The following FRAS1 variants were observed in gnomAD, a reference collection of about 807,000 sequenced individuals.
FRAS1 encodes the protein Fraser extracellular matrix complex subunit 1.
FRAS1 carries 290 observed loss-of-function variants against 435.2 expected under a neutral mutation model. That is an observed-to-expected ratio of 0.67 (90% CI 0.61 to 0.73). FRAS1 has a LOEUF of 0.73. Ranked by LOEUF, FRAS1 falls within the 30% of genes least tolerant of loss-of-function variation. The pLI is 0.00. For missense variants in FRAS1, 4,860 were observed against 5,001.5 expected (o/e 0.97, Z 0.85); for synonymous variants, 1,800 against 1,851.0 (o/e 0.97, Z 0.71).
At chr4:78,306,841 G>A (rs529894724) in intron 14 of FRAS1, among the ~76,000 whole-genome samples, 28 of 152,176 alleles carry the variant, frequency 1.8e-4, no homozygotes, top group East Asian at 9.7e-4. Context: ...TAATTTGATT[G>A]TCTGAAGCCT....
chr4:78,446,791 T>A lies in FRAS1; in HGVS notation c.5921T>A (p.Val1974Glu). 1 of 1,612,736 alleles carries A rather than the reference T, an allele frequency of 6.2e-7. No homozygotes were observed. Among genetic ancestry groups the A allele is most frequent in the Non-Finnish European group, 8.5e-7 (1 of 1,179,612 alleles). The change falls in exon 43 of 74, where the codon GTG becomes GAG. Residue 1974 changes from valine (V) to glutamate (E), a missense_variant. Transcript: ENST00000512123. ...QPLRVQLSSG[V>E]VISNSSLSLQ... ...CTCAGAGTGCAGCTGAGCTCGGGAG[T>A]GGTGATAAGCAATTCTTCTTTGAGC...
intron 38 of FRAS1, among the ~76,000 whole-genome samples, chr4:78,436,307 A>G (rs6842607): frequency 0.021 from 3,176 of 152,308 alleles, 114 homozygotes; most frequent in African/African-American, 0.072. Flanking sequence ...TTAAAACCAT[A>G]TACCATTTTA....
chr4:78,059,508 G>GGA (rs1157059930), intron 1 of FRAS1, among the ~76,000 whole-genome samples: 7 of 131,146 alleles, frequency 5.3e-5, no homozygotes, highest in Admixed American at 1.5e-4. Flanking sequence ...GCGTACTTTG[G>GGA]AAAAAAAAAA....
intron 59 of FRAS1, among the ~76,000 whole-genome samples, chr4:78,494,441 A>T (rs950017310): frequency 2.6e-5 from 4 of 152,178 alleles, no homozygotes; most frequent in Admixed American, 6.6e-5. Context: ...CTCAAGGCAG[A>T]AGAGGAAGGG....
chr4:78,518,268 GA>G (rs988811867), intron 66 of FRAS1, among the ~76,000 whole-genome samples: 28 of 151,610 alleles, frequency 1.8e-4, no homozygotes, highest in African/African-American at 6.1e-4. Context: ...AAAAACTTTA[GA>G]AAAATATTAA....
At chr4:78,150,005 C>G (rs757621607) in intron 2 of FRAS1, among the ~76,000 whole-genome samples, 1 of 152,110 alleles carries the variant, frequency 6.6e-6, no homozygotes, top group African/African-American at 2.4e-5. Flanking sequence ...ACATCAGTGG[C>G]GAATCCTTAG....
chr4:78,407,167 T>C (rs1390970520), intron 30 of FRAS1, among the ~76,000 whole-genome samples: 1 of 152,220 alleles, frequency 6.6e-6, no homozygotes, highest in Non-Finnish European at 1.5e-5. Context: ...GAATTTCAGA[T>C]AAGAGAAATT....
intron 20 of FRAS1, among the ~76,000 whole-genome samples, chr4:78,339,623 GC>G (rs2110268810): frequency 6.6e-6 from 1 of 152,316 alleles, no homozygotes; most frequent in South Asian, 2.1e-4. Context: ...CAGGAGACAG[GC>G]CCAGCAGGTA....
chr4:78,524,369 C>T (rs1473365198), intron 69 of FRAS1, among the ~76,000 whole-genome samples: 1 of 152,172 alleles, frequency 6.6e-6, no homozygotes, highest in East Asian at 1.9e-4. Context: ...GTGAGAGATA[C>T]AGGATAATAT....
intron 2 of FRAS1, among the ~76,000 whole-genome samples, chr4:78,118,721 C>G (rs771533273): frequency 6.6e-6 from 1 of 152,174 alleles, no homozygotes; most frequent in Non-Finnish European, 1.5e-5. Context: ...GTCTGTCAAC[C>G]CTTTCTTTGA....
chr4:78,309,459 C>A (rs1728928988), intron 15 of FRAS1, among the ~76,000 whole-genome samples: 1 of 152,138 alleles, frequency 6.6e-6, no homozygotes, highest in African/African-American at 2.4e-5. Context: ...GGTGTTTAAT[C>A]CTCACAATTT....
In FRAS1 at chr4:78,475,107, A is replaced by T. The variant is rs116888038; in HGVS notation, c.7683-331A>T. On this transcript the variant is annotated intron_variant, in intron 53 of 73. Coordinates refer to ENST00000512123, the MANE Select transcript of FRAS1 (RefSeq NM_025074.7). Reference sequence around the variant, plus strand: ...TGACCTATTGTGATTACTCAACCCCAGGAGGGAGAGATTGTTTTTCCTTTC... The same window carrying T: ...TGACCTATTGTGATTACTCAACCCCTGGAGGGAGAGATTGTTTTTCCTTTC... Among the ~76,000 whole-genome samples, 11 of 152,294 alleles carry T rather than the reference A, an allele frequency of 7.2e-5. No individual in the cohort carries two copies. In the East Asian group the frequency reaches 2.1e-3, roughly 29 times the overall value.
intron 2 of FRAS1, chr4:78,068,441 G>T (rs1420842233): frequency 2.2e-6 from 1 of 447,242 alleles, no homozygotes; most frequent in African/African-American, 2.0e-5. Context: ...TGAAGCAAGA[G>T]CTCCTATGGG....
chr4:78,344,859 A>G (rs556996917), intron 20 of FRAS1, among the ~76,000 whole-genome samples: 1 of 152,312 alleles, frequency 6.6e-6, no homozygotes, highest in African/African-American at 2.4e-5. Context: ...TTCACTCCAC[A>G]TTTACTTTAA....
chr4:78,276,824 C>A (rs1181317978), intron 9 of FRAS1, among the ~76,000 whole-genome samples: 1 of 152,184 alleles, frequency 6.6e-6, no homozygotes, highest in Non-Finnish European at 1.5e-5. Context: ...CTTGGAGGAC[C>A]ACTTTTCTCT....
intron 2 of FRAS1, among the ~76,000 whole-genome samples, chr4:78,170,400 AT>A (rs2110036027): frequency 6.6e-6 from 1 of 152,184 alleles, no homozygotes; most frequent in South Asian, 2.1e-4. Context: ...AGCACATATA[AT>A]TTACTTGTCA....
intron 67 of FRAS1, among the ~76,000 whole-genome samples, chr4:78,520,920 C>G (rs1048335522): frequency 3.3e-4 from 50 of 152,148 alleles, no homozygotes; most frequent in African/African-American, 1.2e-3. Flanking sequence ...TCCTTGAGCT[C>G]TTGTTTTTGT....
chr4:78,471,115 C>T (rs1719694742), intron 51 of FRAS1, among the ~76,000 whole-genome samples: 1 of 152,124 alleles, frequency 6.6e-6, no homozygotes. Flanking sequence ...GTACTTTAGG[C>T]ATTGCTTTCT....
chr4:78,229,713 A>T (rs1002717329), intron 2 of FRAS1, among the ~76,000 whole-genome samples: 7 of 17,282 alleles, frequency 4.1e-4, no homozygotes, highest in Non-Finnish European at 7.8e-4. Context: ...GCACAGAATA[A>T]AAAAAAAAAA....
Sources: gnomAD v4.1 joint callset for allele counts (sites outside exome capture counted in the v4.1 genomes callset) on GRCh38, gnomAD v4.1.1 for gene constraint, MANE v1.5 for transcripts, NCBI Gene and HGNC (gene_info 2026-07-23, HGNC 2026-07-21) for gene names.